The following THSD7B variants were observed in gnomAD, a reference collection of about 807,000 sequenced individuals.
The protein encoded by THSD7B is thrombospondin type-1 domain-containing protein 7B.
In THSD7B, 138 loss-of-function variants were observed where a neutral mutation model predicts 213.6. That is an observed-to-expected ratio of 0.65 (90% CI 0.56 to 0.74). The LOEUF is 0.74. THSD7B is among the 30% of genes least tolerant of loss of function. THSD7B has a pLI of 0.00. For synonymous variants in THSD7B, 742 were observed against 687.0 expected, an observed-to-expected ratio of 1.08 and a Z score of -1.25; for missense variants, 1,931 against 1,991.5, an observed-to-expected ratio of 0.97 and a Z score of 0.58.
intron 19 of THSD7B, 43 bp from the exon 20 acceptor site, chr2:137,620,566 G>A: frequency 1.4e-6 from 2 of 1,478,390 alleles, no homozygotes; most frequent in Non-Finnish European, 1.9e-6. Context: ...TTTGACTAAA[G>A]AGTGATTTCT....
chr2:136,860,555 T>C (rs1683243116), intron 1 of THSD7B, among the ~76,000 whole-genome samples: 1 of 152,208 alleles, frequency 6.6e-6, no homozygotes, highest in South Asian at 2.1e-4. Context: ...TTCAATTGCT[T>C]GTGTCTAACA....
At chr2:137,028,452 G>T (rs899606401) in intron 2 of THSD7B, among the ~76,000 whole-genome samples, 1 of 152,120 alleles carries the variant, frequency 6.6e-6, no homozygotes, top group Non-Finnish European at 1.5e-5. Flanking sequence ...TTTCATTGTT[G>T]CTCCAGAATG....
chr2:137,100,835 G>A (rs1353911164), intron 4 of THSD7B, among the ~76,000 whole-genome samples: 1 of 152,080 alleles, frequency 6.6e-6, no homozygotes, highest in African/African-American at 2.4e-5. Flanking sequence ...GGACAAGATG[G>A]ACCCAGGAAG....
At chr2:136,939,605 G>A (rs1440563443) in intron 2 of THSD7B, among the ~76,000 whole-genome samples, 1 of 152,126 alleles carries the variant, frequency 6.6e-6, no homozygotes, top group Non-Finnish European at 1.5e-5. Flanking sequence ...GCTCTTTCCT[G>A]TCTCTTCCAA....
chr2:137,089,158 C>T (rs1687899000), intron 3 of THSD7B, among the ~76,000 whole-genome samples: 1 of 151,778 alleles, frequency 6.6e-6, no homozygotes, highest in African/African-American at 2.4e-5. Context: ...TATAGTTGCA[C>T]ATGCATGTTT....
intron 10 of THSD7B, among the ~76,000 whole-genome samples, chr2:137,258,384 T>TC (rs1682358029): frequency 6.6e-6 from 1 of 152,132 alleles, no homozygotes; most frequent in Non-Finnish European, 1.5e-5. Context: ...TCTTTTGCTC[T>TC]CATTCCCTCT....
intron 14 of THSD7B, among the ~76,000 whole-genome samples, chr2:137,418,750 T>C (rs2105022864): frequency 6.6e-6 from 1 of 152,292 alleles, no homozygotes; most frequent in Non-Finnish European, 1.5e-5. Flanking sequence ...TGACATCTCC[T>C]TTTATAGCTC....
intron 25 of THSD7B, among the ~76,000 whole-genome samples, chr2:137,662,585 A>C (rs1460457471): frequency 1.3e-5 from 2 of 152,070 alleles, no homozygotes; most frequent in African/African-American, 4.8e-5. Context: ...AAGGTGATGG[A>C]GGGATTTCGC....
intron 12 of THSD7B, among the ~76,000 whole-genome samples, chr2:137,383,113 A>G (rs939694710): frequency 6.6e-6 from 1 of 152,220 alleles, no homozygotes; most frequent in Non-Finnish European, 1.5e-5. Context: ...AGAAGTGGCT[A>G]GTTGGCCACC....
chr2:137,234,276 C>T (rs529449613), intron 9 of THSD7B, among the ~76,000 whole-genome samples: 2 of 152,278 alleles, frequency 1.3e-5, no homozygotes, highest in East Asian at 3.9e-4. Flanking sequence ...CTGCCTAATT[C>T]AATTTAATTT....
chr2:137,489,681 TA>T (rs1450694482), intron 15 of THSD7B, among the ~76,000 whole-genome samples: 2 of 152,138 alleles, frequency 1.3e-5, no homozygotes, highest in Non-Finnish European at 2.9e-5. Context: ...TTTGAATGAT[TA>T]AAAAGAGAAA....
At chr2:137,520,667 C>G (rs1262133512) in intron 15 of THSD7B, among the ~76,000 whole-genome samples, 2 of 152,204 alleles carry the variant, frequency 1.3e-5, no homozygotes, top group African/African-American at 2.4e-5. Flanking sequence ...TGCTTTCTTT[C>G]TTTTTATCAG....
intron 10 of THSD7B, among the ~76,000 whole-genome samples, chr2:137,269,960 G>A (rs1466033786): frequency 3.9e-5 from 6 of 152,124 alleles, no homozygotes; most frequent in African/African-American, 1.2e-4. Flanking sequence ...TTTAATGAAG[G>A]GACTATTTAC....
At chr2:137,015,832 G>C (rs1411358887) in intron 2 of THSD7B, among the ~76,000 whole-genome samples, 1 of 152,084 alleles carries the variant, frequency 6.6e-6, no homozygotes, top group Non-Finnish European at 1.5e-5. Flanking sequence ...AGTGGACTTT[G>C]ATGTCTTATA....
intron 15 of THSD7B, among the ~76,000 whole-genome samples, chr2:137,526,218 A>C (rs1273989365): frequency 6.6e-6 from 1 of 152,126 alleles, no homozygotes; most frequent in Non-Finnish European, 1.5e-5. Flanking sequence ...TTCATCTAAA[A>C]GGATTGAGCA....
At chr2:137,283,868 G>C (rs1023820545) in intron 12 of THSD7B, among the ~76,000 whole-genome samples, 5 of 151,986 alleles carry the variant, frequency 3.3e-5, no homozygotes, top group Non-Finnish European at 7.4e-5. Flanking sequence ...CTCTTTTTTG[G>C]TTGTATCTCT....
intron 2 of THSD7B, among the ~76,000 whole-genome samples, chr2:136,929,879 G>T (rs147141483): frequency 1.2e-3 from 189 of 152,272 alleles, no homozygotes; most frequent in African/African-American, 3.9e-3. Flanking sequence ...AGCAGAACTG[G>T]ACATAAACGT....
intron 12 of THSD7B, among the ~76,000 whole-genome samples, chr2:137,403,634 T>C (rs1686429234): frequency 6.6e-6 from 1 of 152,250 alleles, no homozygotes; most frequent in Non-Finnish European, 1.5e-5. Context: ...CAGAATTATG[T>C]GAGCCATTTA....
At chr2:137,507,878 C>G (rs926260111) in intron 15 of THSD7B, among the ~76,000 whole-genome samples, 15 of 152,106 alleles carry the variant, frequency 9.9e-5, no homozygotes, top group African/African-American at 3.4e-4. Context: ...ATAATTACCC[C>G]AGTCAACAAA....
Sources: allele counts gnomAD v4.1 joint callset (sites outside exome capture counted in the v4.1 genomes callset), GRCh38; gene constraint gnomAD v4.1.1; transcripts MANE v1.5; gene names NCBI Gene and HGNC (gene_info 2026-07-23, HGNC 2026-07-21).